The following ZNF141 variants were observed in gnomAD, a reference collection of about 807,000 sequenced individuals.
The protein encoded by ZNF141 is zinc finger protein 141 (clone pHZ-44).
Under a neutral mutation model 11.3 loss-of-function variants are expected in ZNF141, and 7 were observed. The observed-to-expected ratio is 0.62, with a 90% CI of 0.35 to 1.16. ZNF141 has a LOEUF of 1.16. Ranked by LOEUF, ZNF141 falls within the 50% of genes most tolerant of loss-of-function variation. The probability of loss-of-function intolerance (pLI) is 0.02; values close to 1 mark genes in which losing one functional copy is unlikely to be tolerated. For missense variants in ZNF141, 535 were observed against 554.0 expected (o/e 0.97, Z 0.34); for synonymous variants, 183 against 190.7 (o/e 0.96, Z 0.33).
Position 381,032 on chromosome 4 carries a change from A to C in ZNF141, c.*7170A>C, listed in dbSNP as rs561649752. 1.3e-5 allele frequency among the ~76,000 whole-genome samples: 2 copies of C among 152,246 alleles called. No homozygotes were observed. The highest frequency in any genetic ancestry group is 3.9e-4 in the East Asian group (2 of 5,180). ...ACTGTCCTTCACCACCCCTTTAGCAATTCAGAATATTTATAGCATAATTTT... is the reference window on the plus strand; with the variant it reads ...ACTGTCCTTCACCACCCCTTTAGCACTTCAGAATATTTATAGCATAATTTT... On this transcript the variant is annotated 3_prime_UTR_variant, in exon 4 of 4. Coordinates refer to ENST00000240499, the MANE Select transcript of ZNF141 (RefSeq NM_003441.4).
At chr4:361,101 T>C (rs1226353419) in intron 3 of ZNF141, among the ~76,000 whole-genome samples, 9 of 152,190 alleles carry the variant, frequency 5.9e-5, no homozygotes, top group African/African-American at 1.9e-4. Context: ...AAAATTGCCA[T>C]CTTAAACATT....
At chr4:348,187 T>G (rs1553849941) in intron 3 of ZNF141, among the ~76,000 whole-genome samples, 1 of 152,184 alleles carries the variant, frequency 6.6e-6, no homozygotes, top group Non-Finnish European at 1.5e-5. Context: ...CTTTTCTATT[T>G]TGTAGGGTTT....
chr4:371,242 T>G lies in ZNF141; in HGVS notation c.227-1422T>G, dbSNP rs1480324343. Among the ~76,000 whole-genome samples, 9 of 151,236 alleles carry G rather than the reference T, an allele frequency of 6.0e-5. No homozygotes were observed. The East Asian group carries it at 1.7e-3, about 29-fold the overall frequency. On this transcript the variant is annotated intron_variant, in intron 3 of 3. Coordinates refer to ENST00000240499, the MANE Select transcript of ZNF141 (RefSeq NM_003441.4). ...TTTAATTTTTGTTCTGGAATTTTTT[T>G]TTTTTTTGAGATGGAGTCTCATTCT...
intron 3 of ZNF141, among the ~76,000 whole-genome samples, chr4:349,628 C>A (rs1314126829): frequency 6.6e-6 from 1 of 152,034 alleles, no homozygotes; most frequent in Non-Finnish European, 1.5e-5. Context: ...GTAAAGATCT[C>A]CTTTTGTTGA....
intron 3 of ZNF141, among the ~76,000 whole-genome samples, chr4:352,080 A>C (rs1721630271): frequency 6.6e-6 from 1 of 152,136 alleles, no homozygotes; most frequent in Non-Finnish European, 1.5e-5. Context: ...ACAGAGGAGC[A>C]AACAAGATTA....
At chr4:368,278 C>T (rs1229753679) in intron 3 of ZNF141, among the ~76,000 whole-genome samples, 1 of 151,848 alleles carries the variant, frequency 6.6e-6, no homozygotes, top group African/African-American at 2.4e-5. Context: ...GCTCTGTCAC[C>T]CAGTCAGAAT....
chr4:382,920 T>C lies in ZNF141; in HGVS notation c.*9058T>C, dbSNP rs1303526299. 2.1e-6 allele frequency: 1 copy of C among 486,736 alleles called. No homozygotes were observed. The highest frequency in any genetic ancestry group is 3.6e-6 in the Non-Finnish European group (1 of 276,612). 30.2% of individuals were successfully genotyped at this position (486,736 alleles called of 1,614,324 possible). On this transcript the variant is annotated 3_prime_UTR_variant, in exon 4 of 4. Transcript: ENST00000240499. ...AAAATTGATTGCAAAAACAGCAATT[T>C]GAAAAATTTCTTATTGTATTCATGT...
intron 1 of ZNF141, among the ~76,000 whole-genome samples, chr4:340,946 T>C (rs1368608669): frequency 6.6e-6 from 1 of 152,354 alleles, no homozygotes; most frequent in Admixed American, 6.5e-5. Flanking sequence ...CTGCTTCTAA[T>C]TGGAGTGTAT....
intron 3 of ZNF141, among the ~76,000 whole-genome samples, chr4:367,207 A>G (rs1711786469): frequency 6.6e-6 from 1 of 152,266 alleles, no homozygotes; most frequent in East Asian, 1.9e-4. Context: ...TCAGCTGTGT[A>G]CACTGTAAGA....
Position 374,516 on chromosome 4 carries a change from A to C in ZNF141, c.*654A>C, listed in dbSNP as rs139342888. The C allele has an allele frequency of 2.6e-3, 492 of 191,726 alleles. 1 individual carries two copies. The highest frequency in any genetic ancestry group is 0.011 in the African/African-American group (468 of 42,750). The allele number at this position is 191,726 out of a possible 1,614,324, so 11.9% of individuals were successfully genotyped here. On this transcript the variant is annotated 3_prime_UTR_variant, in exon 4 of 4. Transcript: ENST00000240499. The stretch of plus-strand genomic sequence containing the variant: ...TCTCAACCCTTACTGTGCACAAGAT[A>C]ATTCATTCTGGGGAAAAAAATGCTA...
At chr4:369,280 TTTAG>T (rs776503420) in intron 3 of ZNF141, among the ~76,000 whole-genome samples, 2 of 152,148 alleles carry the variant, frequency 1.3e-5, no homozygotes, top group African/African-American at 4.8e-5. Context: ...CTTATGAGCT[TTTAG>T]TTAAAGTATA....
chr4:344,016 C>T (rs1721192489), intron 2 of ZNF141, 108 bp downstream of exon 2: 2 of 1,457,040 alleles, frequency 1.4e-6, no homozygotes, highest in East Asian at 2.4e-5. Context: ...CATAAACCTT[C>T]TCTTTTCTTG....
intron 3 of ZNF141, among the ~76,000 whole-genome samples, chr4:353,723 A>T (rs967870307): frequency 3.3e-5 from 5 of 151,992 alleles, no homozygotes; most frequent in Non-Finnish European, 1.5e-5. Flanking sequence ...TGGCCTCCCA[A>T]AATGCTAGGA....
In ZNF141 at chr4:346,742, T is replaced by C. The variant is rs183634035; in HGVS notation, c.226+2312T>C. ...TTTCTTTGTCTTTCCGTGTTTGGCT[T>C]ATTTCATTTAGCATAATGCCCTCCA... is the stretch of plus-strand genomic sequence containing the variant. On this transcript the variant is annotated intron_variant, in intron 3 of 3. Transcript: ENST00000240499. Among the ~76,000 whole-genome samples, 7 of 152,268 alleles carry C rather than the reference T, an allele frequency of 4.6e-5. No homozygotes were observed. In the East Asian group the frequency reaches 1.3e-3, roughly 29 times the overall value.
At chr4:340,229 T>G (rs1720983316) in intron 1 of ZNF141, among the ~76,000 whole-genome samples, 1 of 152,254 alleles carries the variant, frequency 6.6e-6, no homozygotes, top group African/African-American at 2.4e-5. Context: ...AGAACCTTCT[T>G]TCTCAGGATT....
intron 3 of ZNF141, among the ~76,000 whole-genome samples, chr4:352,755 G>T (rs1309959529): frequency 6.6e-6 from 1 of 151,954 alleles, no homozygotes; most frequent in East Asian, 1.9e-4. Context: ...TTTCCCTTTG[G>T]CTTTTACTGA....
Position 381,741 on chromosome 4 carries a change from C to T in ZNF141, c.*7879C>T, listed in dbSNP as rs1553855700. On this transcript the variant is annotated 3_prime_UTR_variant, in exon 4 of 4. Transcript: ENST00000240499. Reference sequence around the variant, plus strand: ...TTCTTAGTACTCCACATTTATGCAGCCATCTGGGAAGAAAGGAGACTTTTT... The same window carrying T: ...TTCTTAGTACTCCACATTTATGCAGTCATCTGGGAAGAAAGGAGACTTTTT... Among the ~76,000 whole-genome samples, 1 of 151,850 alleles carries T rather than the reference C, an allele frequency of 6.6e-6. No homozygotes were observed. The highest frequency in any genetic ancestry group is 1.5e-5 in the Non-Finnish European group (1 of 67,984).
At chr4:358,235 T>G (rs1721940712) in intron 3 of ZNF141, 1 of 388,576 alleles carries the variant, frequency 2.6e-6, no homozygotes, top group African/African-American at 2.2e-5. Context: ...TCACCCAGAC[T>G]GGAGTGCAAT....
chr4:342,963 C>T, intron 1 of ZNF141: 2 of 1,487,692 alleles, frequency 1.3e-6, no homozygotes, highest in Non-Finnish European at 1.9e-6. Flanking sequence ...AGGCTGAGAC[C>T]TTATTTTTTA....
Sources: gnomAD v4.1 joint callset for allele counts (sites outside exome capture counted in the v4.1 genomes callset) on GRCh38, gnomAD v4.1.1 for gene constraint, MANE v1.5 for transcripts, NCBI Gene and HGNC (gene_info 2026-07-23, HGNC 2026-07-21) for gene names.